Variants in MTF2 observed in about 807,000 individuals in gnomAD.
MTF2 encodes metal-response element-binding transcription factor 2.
MTF2 carries 11 observed loss-of-function variants against 79.5 expected under a neutral mutation model. The ratio of observed to expected loss-of-function variants is 0.14; its 90% CI spans 0.09 to 0.23. The LOEUF is 0.23. MTF2 is among the 10% of genes least tolerant of loss of function. The pLI, the probability that MTF2 is intolerant of heterozygous loss-of-function variation, is 1.00. For missense variants in MTF2, 486 were observed against 711.2 expected (o/e 0.68, Z 3.60); for synonymous variants, 208 against 232.8 (o/e 0.89, Z 0.97).
intron 1 of MTF2, among the ~76,000 whole-genome samples, chr1:93,094,462 G>A (rs1186451603): frequency 1.3e-5 from 2 of 151,960 alleles, no homozygotes; most frequent in African/African-American, 4.8e-5. Context: ...TAATTTACTA[G>A]TTTTAAAATA....
rs201882551 is a variant in MTF2, at chr1:93,103,068, G to T, written c.6-7162G>T. Among the ~76,000 whole-genome samples, 33 of 151,838 alleles carry T rather than the reference G, an allele frequency of 2.2e-4. No homozygotes were observed. In the East Asian group the frequency reaches 6.4e-3, roughly 29 times the overall value. On this transcript the variant is annotated intron_variant, in intron 1 of 14. Coordinates refer to ENST00000370298, the MANE Select transcript of MTF2 (RefSeq NM_007358.4). ...AATTGCTTGAACCCGGGAGGCAGAG[G>T]TTGCAGTGAGCCAAGATCGCACCAC...
chr1:93,114,249 C>T (rs188198363), intron 3 of MTF2, among the ~76,000 whole-genome samples: 29 of 152,132 alleles, frequency 1.9e-4, no homozygotes, highest in African/African-American at 7.0e-4. Flanking sequence ...GTTTACTTAT[C>T]TTCCTTACTT....
intron 1 of MTF2, among the ~76,000 whole-genome samples, chr1:93,105,750 A>C (rs1360935215): frequency 6.6e-6 from 1 of 151,612 alleles, no homozygotes; most frequent in East Asian, 1.9e-4. Flanking sequence ...GTCTCGGCTC[A>C]CTGCAACCTC....
At chr1:93,092,090 C>T (rs1359864309) in intron 1 of MTF2, among the ~76,000 whole-genome samples, 2 of 151,954 alleles carry the variant, frequency 1.3e-5, no homozygotes, top group African/African-American at 2.4e-5. Context: ...TCTGTTTTCT[C>T]TTATTATATA....
At chr1:93,107,809 C>T (rs917816936) in intron 1 of MTF2, among the ~76,000 whole-genome samples, 1 of 151,280 alleles carries the variant, frequency 6.6e-6, no homozygotes, top group East Asian at 1.9e-4. Context: ...TTGACAGGTT[C>T]TCTCTCTGTT....
At chr1:93,087,044 CTG>C (rs1249704528) in intron 1 of MTF2, among the ~76,000 whole-genome samples, 4 of 152,290 alleles carry the variant, frequency 2.6e-5, no homozygotes, top group South Asian at 4.1e-4. Context: ...ACTGAATAAA[CTG>C]TGTTGTGCCA....
chr1:93,102,755 T>G (rs903996709), intron 1 of MTF2, among the ~76,000 whole-genome samples: 2 of 152,042 alleles, frequency 1.3e-5, no homozygotes, highest in Admixed American at 1.3e-4. Context: ...TTTGGGAGAA[T>G]AATTTGATAA....
chr1:93,098,657 G>C (rs1042553667), intron 1 of MTF2, among the ~76,000 whole-genome samples: 1 of 152,182 alleles, frequency 6.6e-6, no homozygotes, highest in Non-Finnish European at 1.5e-5. Context: ...AATATAAGTT[G>C]TCAGTAGGTT....
At chr1:93,136,363 T>C (rs2101103051) in intron 14 of MTF2, among the ~76,000 whole-genome samples, 1 of 152,324 alleles carries the variant, frequency 6.6e-6, no homozygotes, top group South Asian at 2.1e-4. Flanking sequence ...CAATACCTGA[T>C]TTATGAGTAG....
chr1:93,089,179 T>C (rs1654971621), intron 1 of MTF2, among the ~76,000 whole-genome samples: 1 of 152,212 alleles, frequency 6.6e-6, no homozygotes, highest in Non-Finnish European at 1.5e-5. Flanking sequence ...AGAATTTGCC[T>C]CTGCTTTTAG....
At chr1:93,135,913 A>G (rs1647369522) in intron 14 of MTF2, among the ~76,000 whole-genome samples, 1 of 152,254 alleles carries the variant, frequency 6.6e-6, no homozygotes, top group Admixed American at 6.5e-5. Context: ...AACAAGCCCA[A>G]CATTGCATGT....
chr1:93,079,289 C>T lies in MTF2; in HGVS notation c.-238C>T. 1.8e-6 allele frequency: 1 copy of T among 554,846 alleles called. No homozygotes were observed. The highest frequency in any genetic ancestry group is 3.2e-6 in the Non-Finnish European group (1 of 311,058). 34.4% of individuals were successfully genotyped at this position (554,846 alleles called of 1,614,324 possible). Reference sequence around the variant, plus strand: ...GCTCCCAGAATGCACCGGCAGTCCGCGGGAAACCAAAATGGCGAGGGGCTG... The same window carrying T: ...GCTCCCAGAATGCACCGGCAGTCCGTGGGAAACCAAAATGGCGAGGGGCTG... On this transcript the variant is annotated 5_prime_UTR_variant, in exon 1 of 15. Coordinates refer to ENST00000370298, the MANE Select transcript of MTF2 (RefSeq NM_007358.4).
chr1:93,079,445 C>A lies in MTF2; in HGVS notation c.-82C>A. On this transcript the variant is annotated 5_prime_UTR_variant, in exon 1 of 15. Transcript: ENST00000370298. ...GTGGGGCGGGTGCCCAGTAAGTGCT[C>A]GGACTCGCAGGGGAAGCGCCCACGG... 1 of 1,586,168 alleles carries A rather than the reference C, an allele frequency of 6.3e-7. No individual in the cohort carries two copies. Among genetic ancestry groups the A allele is most frequent in the South Asian group, 1.1e-5 (1 of 89,882 alleles).
chr1:93,133,871 G>A, intron 12 of MTF2, 57 bp from the exon 13 acceptor site: 1 of 1,530,650 alleles, frequency 6.5e-7, no homozygotes, highest in South Asian at 1.2e-5. Context: ...TGAGAAGCTA[G>A]TATTTTTTTC....
intron 14 of MTF2, among the ~76,000 whole-genome samples, chr1:93,135,389 G>A (rs1392564871): frequency 6.6e-6 from 1 of 152,064 alleles, no homozygotes; most frequent in East Asian, 1.9e-4. Flanking sequence ...TTCATAATTC[G>A]AAAACTGCTG....
In MTF2 at chr1:93,110,271, C is replaced by G; in HGVS notation, c.47C>G (p.Ser16Cys). Residue 16 changes from serine (S) to cysteine (C), a missense_variant, in exon 2 of 15, where the codon TCT (serine) becomes TGT (cysteine). By Grantham distance (112) the Ser-to-Cys change is moderately radical. This residue lies in a region of MTF2 where 75 missense variants were observed against 83.8 expected (regional missense o/e 0.89). Transcript: ENST00000370298. ...GGTAATTCACTGGTCCACAAGCGGT[C>G]TCCTTTACGTCGAAACCAAAAGACC... The part of the protein sequence containing the change: ...GAGNSLVHKR[S>C]PLRRNQKTPT... 6.2e-7 allele frequency: 1 copy of G among 1,614,102 alleles called. No individual in the cohort carries two copies. Among genetic ancestry groups the G allele is most frequent in the Non-Finnish European group, 8.5e-7 (1 of 1,180,024 alleles).
chr1:93,115,333 A>G, intron 5 of MTF2, 137 bp from the exon 6 acceptor site: 1 of 748,596 alleles, frequency 1.3e-6, no homozygotes, highest in Non-Finnish European at 2.1e-6. Context: ...AGAGATTATT[A>G]TTAATCAGAC....
chr1:93,097,805 C>T (rs1322971602), intron 1 of MTF2, among the ~76,000 whole-genome samples: 1 of 152,088 alleles, frequency 6.6e-6, no homozygotes, highest in African/African-American at 2.4e-5. Context: ...ACCTTGTTGG[C>T]CGGGCTGGTC....
intron 1 of MTF2, among the ~76,000 whole-genome samples, chr1:93,105,173 T>TC (rs1402975278): frequency 6.8e-6 from 1 of 147,762 alleles, no homozygotes; most frequent in East Asian, 2.0e-4. Context: ...AGACAGACAT[T>TC]CCCTGTTTGG....
Sources: allele counts gnomAD v4.1 joint callset (sites outside exome capture counted in the v4.1 genomes callset), GRCh38; gene constraint gnomAD v4.1.1; regional missense constraint gnomAD v4.1.1; transcripts MANE v1.5; gene names NCBI Gene and HGNC (gene_info 2026-07-23, HGNC 2026-07-21).